Variants in WDR1 observed in about 807,000 individuals in gnomAD.
The protein encoded by WDR1 is WD repeat domain 1.
WDR1 carries 21 observed loss-of-function variants against 71.9 expected under a neutral mutation model. That is an observed-to-expected ratio of 0.29 (90% CI 0.21 to 0.42). The LOEUF (loss-of-function observed/expected upper bound fraction) is 0.42, where lower values mean the gene tolerates loss of function less well. WDR1 is among the 10% of genes least tolerant of loss of function. The pLI is 1.00. For synonymous variants in WDR1, 424 were observed against 347.4 expected (o/e 1.22, Z -2.45); for missense variants, 696 against 824.5 (o/e 0.84, Z 1.91).
intron 3 of WDR1, among the ~76,000 whole-genome samples, chr4:10,099,675 C>T (rs767941121): frequency 4.5e-4 from 68 of 152,376 alleles, no homozygotes; most frequent in African/African-American, 1.6e-3. Flanking sequence ...GATGCCTCAG[C>T]GTGGCCTGGC....
intron 11 of WDR1, among the ~76,000 whole-genome samples, chr4:10,080,258 G>C (rs1394420463): frequency 6.6e-6 from 1 of 152,220 alleles, no homozygotes; most frequent in Admixed American, 6.5e-5. Context: ...CCTGGGTCTG[G>C]AGACACAGGG....
intron 5 of WDR1, chr4:10,093,086 T>C (rs1712106789): frequency 3.1e-6 from 4 of 1,289,182 alleles, no homozygotes; most frequent in African/African-American, 1.5e-5. Context: ...CATAATTAAG[T>C]ACCACACCCA....
chr4:10,094,333 C>A (rs1156325145), intron 5 of WDR1, among the ~76,000 whole-genome samples: 1 of 152,222 alleles, frequency 6.6e-6, no homozygotes, highest in African/African-American at 2.4e-5. Context: ...ACCAACTGCT[C>A]ACCCGACCGG....
At chr4:10,101,022 C>T (rs544512448) in intron 3 of WDR1, among the ~76,000 whole-genome samples, 3 of 152,376 alleles carry the variant, frequency 2.0e-5, no homozygotes, top group Admixed American at 1.3e-4. Flanking sequence ...CGCCTTCCTC[C>T]AGGAAGCCTG....
In WDR1 at chr4:10,075,056, A is replaced by G. The variant is rs572331198; in HGVS notation, c.*322T>C. The stretch of plus-strand genomic sequence containing the variant: ...AGATAGTGAGAGCCGCGGCGGGGCC[A>G]GGGGCTCTGTGTGCTTTGGAGGCTA... On this transcript the variant is annotated 3_prime_UTR_variant, in exon 15 of 15. Coordinates refer to ENST00000499869, the MANE Select transcript of WDR1 (RefSeq NM_017491.5). 1,019 of 420,708 alleles carry G rather than the reference A, an allele frequency of 2.4e-3. 12 individuals carry two copies. Among genetic ancestry groups the G allele is most frequent in the East Asian group, 0.018 (486 of 27,138 alleles). The allele number at this position is 420,708 out of a possible 1,614,324, so 26.1% of individuals were successfully genotyped here.
Position 10,099,845 on chromosome 4 carries a change from G to A in WDR1, c.230-706C>T, listed in dbSNP as rs529569754. Among the ~76,000 whole-genome samples, 11 of 152,320 alleles carry A rather than the reference G, an allele frequency of 7.2e-5. No homozygotes were observed. In the East Asian group the frequency reaches 1.7e-3, roughly 24 times the overall value. ...TGTGAGAGTAGCAGGTGGGTGTTGC[G>A]GGGGAAGGAGAATTACACACAGAAC... On this transcript the variant is annotated intron_variant, in intron 3 of 14. Transcript: ENST00000499869.
At position 10,116,175 on chromosome 4, in the gene WDR1, C is replaced by A. The variant is rs1242111691; in HGVS notation, c.76G>T (p.Asp26Tyr). ...TACAGAAAATTGTTGCCCTTAGGGT[C>A]GCCGCCGATGATCTTGGAGACGCCC... is the stretch of plus-strand genomic sequence containing the variant. ...ERGVSKIIGG[D>Y]PKGNNFLYTN... Residue 26 changes from aspartate (D) to tyrosine (Y), a missense_variant, in exon 2 of 15, where the codon GAC becomes TAC. Transcript: ENST00000499869. The A allele has an allele frequency of 6.2e-7, 1 of 1,613,560 alleles. No individual in the cohort carries two copies. Among genetic ancestry groups the A allele is most frequent in the South Asian group, 1.1e-5 (1 of 91,070 alleles).
chr4:10,088,175 C>T, intron 7 of WDR1, 118 bp downstream of exon 7: 1 of 1,075,814 alleles, frequency 9.3e-7, no homozygotes, highest in Non-Finnish European at 1.4e-6. Flanking sequence ...ATAAAACCGC[C>T]CCGACTTATA....
chr4:10,105,840 C>G (rs146598616), intron 2 of WDR1, among the ~76,000 whole-genome samples: 2 of 152,340 alleles, frequency 1.3e-5, no homozygotes, highest in Admixed American at 1.3e-4. Flanking sequence ...CAGAAGCTTT[C>G]TTTGCAATGG....
intron 3 of WDR1, among the ~76,000 whole-genome samples, chr4:10,103,311 C>G (rs1039748077): frequency 2.0e-5 from 3 of 151,382 alleles, no homozygotes; most frequent in East Asian, 3.9e-4. Context: ...CACACACACA[C>G]ACACACACAC....
intron 3 of WDR1, among the ~76,000 whole-genome samples, chr4:10,099,776 C>G (rs531044394): frequency 7.9e-5 from 12 of 152,332 alleles, no homozygotes; most frequent in Non-Finnish European, 1.5e-4. Flanking sequence ...ACTCACACAC[C>G]GAGCAGTTCC....
At chr4:10,088,058 G>A in intron 7 of WDR1, 118 bp from the exon 8 acceptor site, 1 of 1,075,096 alleles carries the variant, frequency 9.3e-7, no homozygotes, top group South Asian at 1.6e-5. Context: ...CAGAGAGAGG[G>A]TGGGACATGA....
chr4:10,110,150 C>T (rs929589990), intron 2 of WDR1, among the ~76,000 whole-genome samples: 2 of 152,094 alleles, frequency 1.3e-5, no homozygotes, highest in African/African-American at 2.4e-5. Context: ...AGGACCCATA[C>T]GTAGAAGTGA....
Position 10,087,722 on chromosome 4 carries a change from G to A in WDR1, c.936C>T (p.Pro312=), listed in dbSNP as rs1269500076. The A allele has an allele frequency of 1.3e-6, 2 of 1,595,624 alleles. No homozygotes were observed. The highest frequency in any genetic ancestry group is 1.7e-6 in the Non-Finnish European group (2 of 1,170,640). ...CAGGCCTTACCTTGATGACGTGCAGGGGCTTGCTGGGGTTGTTTCTGTCCA... is the reference window on the plus strand; with the variant it reads ...CAGGCCTTACCTTGATGACGTGCAGAGGCTTGCTGGGGTTGTTTCTGTCCA... ...NYLDRNNPSK[P]LHVIKGHSKS... The change falls in exon 8 of 15, where the codon CCC becomes CCT. Residue 312 remains proline (P), a synonymous_variant. Coordinates refer to ENST00000499869, the MANE Select transcript of WDR1 (RefSeq NM_017491.5).
At chr4:10,075,600 G>A (rs1397687613) in intron 14 of WDR1, 116 bp from the exon 15 acceptor site, 3 of 937,524 alleles carry the variant, frequency 3.2e-6, no homozygotes, top group African/African-American at 3.3e-5. Context: ...CAAGAAAATG[G>A]CCACGAATCG....
intron 9 of WDR1, 125 bp from the exon 10 acceptor site, chr4:10,083,303 T>C (rs1765087034): frequency 7.9e-7 from 1 of 1,259,182 alleles, no homozygotes. Flanking sequence ...ACATAACCAT[T>C]CCCCCTGGGA....
At chr4:10,101,282 C>G (rs1420757777) in intron 3 of WDR1, among the ~76,000 whole-genome samples, 1 of 152,260 alleles carries the variant, frequency 6.6e-6, no homozygotes, top group Admixed American at 6.5e-5. Flanking sequence ...AACACTTCAG[C>G]AGTCATGAAC....
chr4:10,113,498 G>A (rs1387324247), intron 2 of WDR1, among the ~76,000 whole-genome samples: 4 of 152,220 alleles, frequency 2.6e-5, no homozygotes, highest in South Asian at 2.1e-4. Context: ...AGGCAAGAAC[G>A]CTGGAGCCGA....
In WDR1 at chr4:10,089,717, T is replaced by A. The variant is rs542487154; in HGVS notation, c.559-976A>T. ...CTCGCTGCTCAGCAGGTACGAACAC[T>A]AACCTTCAGGAAAAGCAATTCAACC... On this transcript the variant is annotated intron_variant, in intron 5 of 14. Coordinates refer to ENST00000499869, the MANE Select transcript of WDR1 (RefSeq NM_017491.5). Among the ~76,000 whole-genome samples, 4 of 152,310 alleles carry A rather than the reference T, an allele frequency of 2.6e-5. No homozygotes were observed. The East Asian group carries it at 7.7e-4, about 29-fold the overall frequency.
Sources: gnomAD v4.1 joint callset for allele counts (sites outside exome capture counted in the v4.1 genomes callset) on GRCh38, gnomAD v4.1.1 for gene constraint, MANE v1.5 for transcripts, NCBI Gene and HGNC (gene_info 2026-07-23, HGNC 2026-07-21) for gene names.